The following SPATA31G1 variants were observed in gnomAD, a reference collection of about 807,000 sequenced individuals.
SPATA31G1 encodes the protein SPATA31 subfamily G member 1, also known as spermatogenesis-associated protein 31G1.
At chr9:35,042,945 G>A in the SPATA31G1 span, 1 of 1,614,172 alleles carries the variant, frequency 6.2e-7, no homozygotes, top group Non-Finnish European at 8.5e-7. Flanking sequence ...GGAAGAAGAG[G>A]AAGAGGGGGA....
chr9:35,045,365 C>T, the SPATA31G1 span: 1 of 1,614,114 alleles, frequency 6.2e-7, no homozygotes. Context: ...CTGGTGTGGA[C>T]TATCTATCTC....
At chr9:35,044,010 A>G in the SPATA31G1 span, 1 of 1,613,248 alleles carries the variant, frequency 6.2e-7, no homozygotes, top group East Asian at 2.2e-5. Context: ...AAGTAGAGAA[A>G]ATATTTGGGT....
the SPATA31G1 span, chr9:35,044,719 A>T: frequency 6.2e-7 from 1 of 1,614,198 alleles, no homozygotes; most frequent in African/African-American, 1.3e-5. Flanking sequence ...CCTCTACCAG[A>T]GCCACACATT....
At chr9:35,045,693 G>C in the SPATA31G1 span, 1 of 1,614,222 alleles carries the variant, frequency 6.2e-7, no homozygotes, top group Non-Finnish European at 8.5e-7. Flanking sequence ...GCCAGAGGCA[G>C]GGCGAAGAGC....
the SPATA31G1 span, chr9:35,044,586 T>G: frequency 6.2e-7 from 1 of 1,613,994 alleles, no homozygotes; most frequent in African/African-American, 1.3e-5. Flanking sequence ...AAACTCTGTT[T>G]CAAAGTCCCA....
the SPATA31G1 span, chr9:35,044,229 G>A: frequency 6.2e-7 from 1 of 1,614,176 alleles, no homozygotes; most frequent in Admixed American, 1.7e-5. Context: ...CAATCCTGGG[G>A]AATGCCTCGC....
At chr9:35,042,682 A>C in the SPATA31G1 span, 1 of 1,158,970 alleles carries the variant, frequency 8.6e-7, no homozygotes, top group Non-Finnish European at 1.2e-6. Flanking sequence ...TGATCTCCAA[A>C]TGAGGACTGG....
the SPATA31G1 span, chr9:35,043,864 C>A: frequency 1.1e-5 from 17 of 1,614,020 alleles, no homozygotes; most frequent in Non-Finnish European, 1.4e-5. Flanking sequence ...AGATATAAGC[C>A]CCAGTGGGAA....
chr9:35,045,270 G>A, the SPATA31G1 span: 1 of 1,614,024 alleles, frequency 6.2e-7, no homozygotes, highest in Non-Finnish European at 8.5e-7. Context: ...TGGCAGGGCG[G>A]AACAAGGGTC....
At chr9:35,042,843 T>C in the SPATA31G1 span, 3 of 1,605,036 alleles carry the variant, frequency 1.9e-6, no homozygotes, top group African/African-American at 1.3e-5. Context: ...CCTGAGAATA[T>C]CTTTATCTAC....
chr9:35,043,106 G>A, the SPATA31G1 span: 19 of 1,614,078 alleles, frequency 1.2e-5, no homozygotes, highest in Admixed American at 1.7e-5. Context: ...CAGTCATGCA[G>A]CCCGTGAGCC....
chr9:35,044,922 C>T, the SPATA31G1 span: 1 of 1,614,178 alleles, frequency 6.2e-7, no homozygotes, highest in Non-Finnish European at 8.5e-7. Context: ...CCCACTCTCC[C>T]AGAGATGGAC....
At chr9:35,043,987 G>T in the SPATA31G1 span, 8 of 1,612,840 alleles carry the variant, frequency 5.0e-6, 1 homozygote, top group South Asian at 2.2e-5. Flanking sequence ...GAGACACCAT[G>T]GAAGGGCATG....
At chr9:35,042,327 G>A in the SPATA31G1 span, 1 of 1,614,230 alleles carries the variant, frequency 6.2e-7, no homozygotes, top group Non-Finnish European at 8.5e-7. Flanking sequence ...ACTGACCCAT[G>A]CCCTAGCCTG....
At chr9:35,044,733 CT>C in the SPATA31G1 span, 1 of 1,614,184 alleles carries the variant, frequency 6.2e-7, no homozygotes, top group Non-Finnish European at 8.5e-7. Flanking sequence ...ACACATTGAC[CT>C]TGAACTTGTG....
At chr9:35,045,139 A>G in the SPATA31G1 span, 11 of 1,613,016 alleles carry the variant, frequency 6.8e-6, no homozygotes, top group South Asian at 4.4e-5. Context: ...TATCCCCCCA[A>G]TCCATGCCCC....
chr9:35,043,622 G>C, the SPATA31G1 span: 2 of 1,614,138 alleles, frequency 1.2e-6, no homozygotes, highest in East Asian at 4.5e-5. Context: ...GACACAAAAA[G>C]ATGCCCCAAG....
chr9:35,045,372 T>C, the SPATA31G1 span: 2 of 1,613,984 alleles, frequency 1.2e-6, no homozygotes, highest in Non-Finnish European at 1.7e-6. Context: ...GGACTATCTA[T>C]CTCCAGGCCC....
the SPATA31G1 span, chr9:35,043,397 G>T: frequency 6.2e-7 from 1 of 1,614,076 alleles, no homozygotes; most frequent in South Asian, 1.1e-5. Context: ...CTACCCATGG[G>T]GCCCATACTA....
Sources: gnomAD v4.1 joint callset for allele counts on GRCh38, gnomAD v4.1.1 for gene constraint, MANE v1.5 for transcripts, NCBI Gene and HGNC (gene_info 2026-07-23, HGNC 2026-07-21) for gene names.